The following GNAS variants were observed in gnomAD, a reference collection of about 807,000 sequenced individuals.
GNAS encodes GNAS complex locus, also known as protein ALEX.
In GNAS, 8 loss-of-function variants were observed where a neutral mutation model predicts 54.5. The ratio of observed to expected loss-of-function variants is 0.15; its 90% CI spans 0.09 to 0.26. The LOEUF (loss-of-function observed/expected upper bound fraction) is 0.26. GNAS is among the 10% of genes least tolerant of loss of function. The probability of loss-of-function intolerance (pLI) is 1.00; values close to 1 mark genes in which losing one functional copy is unlikely to be tolerated. For synonymous variants in GNAS, 204 were observed against 191.4 expected, an observed-to-expected ratio of 1.07 and a Z score of -0.54; for missense variants, 170 against 529.8, an observed-to-expected ratio of 0.32 and a Z score of 6.67.
intron 3 of GNAS, among the ~76,000 whole-genome samples, chr20:58,900,777 G>A (rs1394504986): frequency 6.6e-6 from 1 of 152,036 alleles, no homozygotes; most frequent in Non-Finnish European, 1.5e-5. Flanking sequence ...TGATAAACCC[G>A]CCAACCCCCA....
At chr20:58,892,247 T>C (rs2145930634) in intron 1 of GNAS, 1 of 918,680 alleles carries the variant, frequency 1.1e-6, no homozygotes, top group Non-Finnish European at 1.3e-6. Context: ...CCCATGGGGC[T>C]CCGGAGACTG....
intron 1 of GNAS, among the ~76,000 whole-genome samples, chr20:58,860,279 T>G (rs1396188750): frequency 6.6e-6 from 1 of 152,180 alleles, no homozygotes; most frequent in Non-Finnish European, 1.5e-5. Context: ...AGTCTTAGTT[T>G]GTTGGGCTAC....
chr20:58,903,503 TTTTC>T lies in GNAS; in HGVS notation c.258-24_258-21del, dbSNP rs762224247. ...TCCTAACTGACATGGTGCAATATGA[TTTTC>T]TTTTCTTTTCAATCCCACTGCAGTG... On this transcript the variant is annotated intron_variant, in intron 3 of 12. Coordinates refer to ENST00000371085, the MANE Select transcript of GNAS (RefSeq NM_000516.7). 66 of 1,592,078 alleles carry T rather than the reference TTTTC, an allele frequency of 4.1e-5. No individual in the cohort carries two copies. The South Asian group carries it at 6.8e-4, about 17-fold the overall frequency.
intron 1 of GNAS, among the ~76,000 whole-genome samples, chr20:58,878,836 G>A (rs1009778655): frequency 6.7e-6 from 1 of 149,742 alleles, no homozygotes; most frequent in Non-Finnish European, 1.5e-5. Flanking sequence ...CCTGGCTTAT[G>A]ACCGCGTGGC....
At chr20:58,889,945 CGGCTGCCGAGGT>C (rs896874083), upstream of GNAS, among the ~76,000 whole-genome samples, 250 of 151,770 alleles carry the variant, frequency 1.6e-3, 1 homozygote, top group Non-Finnish European at 2.5e-3. Flanking sequence ...ACGGCCGCGG[CGGCTGCCGAGGT>C]GGCTGCCGAA....
upstream of GNAS, among the ~76,000 whole-genome samples, chr20:58,890,980 G>A (rs1206853654): frequency 5.3e-5 from 8 of 151,292 alleles, no homozygotes; most frequent in African/African-American, 1.9e-4. Flanking sequence ...CAGCCCCTCG[G>A]CGGCGCCCGC....
rs921473595 is a variant in GNAS at position 58,856,620 on chromosome 20, T to C, written c.43+15734T>C. 6.6e-6 allele frequency: 1 copy of C among 152,382 alleles called. No homozygotes were observed. The highest frequency in any genetic ancestry group is 1.5e-5 in the Non-Finnish European group (1 of 68,032). The allele number at this position is 152,382 out of a possible 1,614,324, so 9.4% of individuals were successfully genotyped here. A position where few individuals can be genotyped will look rare whatever the true frequency, so the allele number is the denominator to read the frequency against. ...AATATGACTTGTGAAAACAAGTAAA[T>C]GTTTGCATGTGAATTTTTTCAGGCA... is the stretch of plus-strand genomic sequence containing the variant. On this transcript the variant is annotated intron_variant, in intron 1 of 12. Transcript: ENST00000306090. The surrounding 1 kb of genome is among the most constrained non-coding windows in gnomAD (Gnocchi z 4.2).
chr20:58,875,983 C>T (rs1198362174), intron 1 of GNAS, among the ~76,000 whole-genome samples: 1 of 152,146 alleles, frequency 6.6e-6, no homozygotes, highest in African/African-American at 2.4e-5. Context: ...ATAAACAGCC[C>T]CCCCAACTGT....
At chr20:58,895,551 C>A in intron 1 of GNAS, 61 bp from the exon 2 acceptor site, 1 of 992,458 alleles carries the variant, frequency 1.0e-6, no homozygotes, top group Non-Finnish European at 1.6e-6. Context: ...AACAGCAGAC[C>A]TCCCTGCCCA....
At position 58,903,760 on chromosome 20, in the gene GNAS, T is replaced by C; in HGVS notation, c.401T>C (p.Val134Ala). The change falls in exon 5 of 13, where the codon GTG (valine) becomes GCG (alanine). Residue 134 changes from valine to alanine, a missense_variant. By Grantham distance (64) the Val-to-Ala change is moderately conservative. Around this residue, in one of 3 missense-constraint regions of GNAS, gnomAD observed 78 missense variants for 251.1 expected, o/e 0.31. Coordinates refer to ENST00000371085, the MANE Select transcript of GNAS (RefSeq NM_000516.7). The part of the protein sequence containing the change: ...NQFRVDYILS[V>A]MNVPDFDFPP... ...TTCAGAGTGGACTACATCCTGAGTG[T>C]GATGAACGTGCCTGACTTTGACTTC... 1 of 1,613,738 alleles carries C rather than the reference T, an allele frequency of 6.2e-7. No homozygotes were observed. The highest frequency in any genetic ancestry group is 8.5e-7 in the Non-Finnish European group (1 of 1,179,824).
intron 1 of GNAS, among the ~76,000 whole-genome samples, chr20:58,894,643 T>C (rs1306384075): frequency 1.3e-5 from 2 of 152,172 alleles, no homozygotes; most frequent in Non-Finnish European, 2.9e-5. Context: ...TTGATGGAAA[T>C]GTGTTTTTTC....
chr20:58,897,393 G>A (rs1378370236), intron 2 of GNAS: 1 of 152,184 alleles, frequency 6.6e-6, no homozygotes, highest in African/African-American at 2.4e-5. Context: ...ATTCATGAGA[G>A]TAGTTAAGCA....
At chr20:58,855,171 G>T (rs753626817) in intron 1 of GNAS, 30 of 1,610,732 alleles carry the variant, frequency 1.9e-5, no homozygotes, top group Middle Eastern at 1.6e-4. Flanking sequence ...CTCTCTCAAG[G>T]TCAAGAAGGT....
Position 58,910,761 on chromosome 20 carries a change from C to T in GNAS, c.1117C>T (p.Arg373Cys), listed in dbSNP as rs759578554. 6.2e-7 allele frequency: 1 copy of T among 1,614,060 alleles called. No individual in the cohort carries two copies. Among genetic ancestry groups the T allele is most frequent in the Non-Finnish European group, 8.5e-7 (1 of 1,179,944 alleles). Residue 373 changes from arginine to cysteine, a missense_variant, in exon 13 of 13, where the codon CGC becomes TGC. By Grantham distance (180) the Arg-to-Cys change is radical. This residue lies in a region of GNAS where 36 missense variants were observed against 223.0 expected (regional missense o/e 0.16). Coordinates refer to ENST00000371085, the MANE Select transcript of GNAS (RefSeq NM_000516.7). This position sits in a 1 kb window ranked among gnomAD's most constrained non-coding sequence, Gnocchi z 5.8. ...CTGCGCTGTGGACACTGAGAACATC[C>T]GCCGTGTGTTCAACGACTGCCGTGA... ...FTCAVDTENI[R>C]RVFNDCRDII... is the part of the protein sequence containing the mutation.
upstream of GNAS, chr20:58,889,032 C>G: frequency 1.0e-6 from 1 of 990,248 alleles, no homozygotes; most frequent in Non-Finnish European, 1.2e-6. Flanking sequence ...CCAGGGTGCG[C>G]GGCGGCCCAT....
At chr20:58,889,287 C>T (rs778210181), upstream of GNAS, 29 of 996,768 alleles carry the variant, frequency 2.9e-5, no homozygotes, top group South Asian at 1.0e-3. Flanking sequence ...GAGCCCCTGT[C>T]CCGGCGCGGG....
In GNAS at chr20:58,841,835, C is replaced by A; in HGVS notation, c.43+949C>A. 1 of 1,230,970 alleles carries A rather than the reference C, an allele frequency of 8.1e-7. No homozygotes were observed. Among genetic ancestry groups the A allele is most frequent in the South Asian group, 4.3e-5 (1 of 23,512 alleles). The allele number at this position is 1,230,970 out of a possible 1,614,324, so 76.3% of individuals were successfully genotyped here. A position where few individuals can be genotyped will look rare whatever the true frequency, so the allele number is the denominator to read the frequency against. Reference sequence around the variant, plus strand: ...CAGGAGACGTCCTGGGCTGTTTGCGCAGGACCTCTGGAGGCCCTCGAGATC... The same window carrying A: ...CAGGAGACGTCCTGGGCTGTTTGCGAAGGACCTCTGGAGGCCCTCGAGATC... On this transcript the variant is annotated intron_variant, in intron 1 of 12. Coordinates refer to the GNAS transcript ENST00000306090. This position sits in a 1 kb window ranked among gnomAD's most constrained non-coding sequence, Gnocchi z 5.0.
rs556287876 is a variant in GNAS at position 58,854,415 on chromosome 20, G to A, written c.43+13529G>A. Reference sequence around the variant, plus strand: ...TCCGGGGTACGGATCCCCTGCCGCCGGGGCAGCCTCAGCGGATACCGCTGC... The same window carrying A: ...TCCGGGGTACGGATCCCCTGCCGCCAGGGCAGCCTCAGCGGATACCGCTGC... On this transcript the variant is annotated intron_variant, in intron 1 of 12. Transcript: ENST00000306090. The A allele has an allele frequency of 1.3e-4, 207 of 1,568,548 alleles. 1 individual carries two copies. In the South Asian group the frequency reaches 2.2e-3, roughly 17 times the overall value.
At position 58,852,972 on chromosome 20, in the gene GNAS, G is replaced by A. The variant is rs369371744; in HGVS notation, c.43+12086G>A. ...GCCTGGAGCAAAAAGAAAGAGAGAG[G>A]AGGGCGTAAGGATAGACCAAGGAAG... On this transcript the variant is annotated intron_variant, in intron 1 of 12. Coordinates refer to the GNAS transcript ENST00000306090. 5 of 1,145,028 alleles carry A rather than the reference G, an allele frequency of 4.4e-6. No homozygotes were observed. The South Asian group carries it at 1.0e-4, about 23-fold the overall frequency. 70.9% of individuals were successfully genotyped at this position (1,145,028 alleles called of 1,614,324 possible).
Sources: allele counts gnomAD v4.1 joint callset (sites outside exome capture counted in the v4.1 genomes callset), GRCh38; gene constraint gnomAD v4.1.1; regional missense constraint gnomAD v4.1.1; non-coding constraint Gnocchi (gnomAD v3.1); transcripts MANE v1.5; gene names NCBI Gene and HGNC (gene_info 2026-07-23, HGNC 2026-07-21).